CEP55: variants seen among roughly 807,000 people sequenced by gnomAD.
CEP55 encodes centrosomal protein 55.
CEP55 carries 57 observed loss-of-function variants against 63.2 expected under a neutral mutation model. The ratio of observed to expected loss-of-function variants is 0.90; its 90% CI spans 0.73 to 1.13. The LOEUF (loss-of-function observed/expected upper bound fraction) is 1.13. Among genes scored for constraint, CEP55 ranks in the 50% most tolerant of loss-of-function variants. CEP55 has a pLI of 0.00. For missense variants in CEP55, 456 were observed against 518.9 expected, an observed-to-expected ratio of 0.88 and a Z score of 1.18; for synonymous variants, 178 against 191.6, an observed-to-expected ratio of 0.93 and a Z score of 0.59.
In CEP55 at chr10:93,528,012, CAG is replaced by C; in HGVS notation, c.1258_1259del (p.Glu420LysfsTer15). On this transcript the variant is annotated frameshift_variant, in exon 9 of 9. Transcript: ENST00000371485. LOFTEE classifies it high-confidence loss of function. ...LVTFQGETEN[R>X]EKVAASPKSP... is the part of the protein sequence containing the mutation. ...TCACTTTCCAAGGAGAGACTGAAAA[CAG>C]AGAAAAAGTTGCCGCCTCACCAAAA... The C allele has an allele frequency of 1.2e-6, 2 of 1,613,944 alleles. No homozygotes were observed. The highest frequency in any genetic ancestry group is 1.7e-6 in the Non-Finnish European group (2 of 1,180,002).
intron 2 of CEP55, among the ~76,000 whole-genome samples, chr10:93,500,513 C>T (rs1305638375): frequency 6.6e-6 from 1 of 152,116 alleles, no homozygotes; most frequent in African/African-American, 2.4e-5. Context: ...AAAGACATTG[C>T]GATTAATAGT....
rs10693521 is a variant in CEP55 at position 93,520,426 on chromosome 10, C to CA, written c.1191+635dup. On this transcript the variant is annotated intron_variant, in intron 8 of 8. Coordinates refer to ENST00000371485, the MANE Select transcript of CEP55 (RefSeq NM_018131.5). ...TGGGCAGCAGAGCAAGACTCTGTCT[C>CA]AAAAAAAAAAAAAAAAGAAAAAGAA... 768 of 113,514 alleles carry CA rather than the reference C, an allele frequency of 6.8e-3. 25 individuals are homozygous for CA. Among genetic ancestry groups the CA allele is most frequent in the African/African-American group, 0.023 (590 of 26,024 alleles). The allele number at this position is 113,514 out of a possible 1,614,324, so 7.0% of individuals were successfully genotyped here. A position where few individuals can be genotyped will look rare whatever the true frequency, so the allele number is the denominator to read the frequency against.
intron 4 of CEP55, among the ~76,000 whole-genome samples, chr10:93,511,634 G>A (rs184948184): frequency 2.0e-5 from 3 of 150,944 alleles, no homozygotes; most frequent in South Asian, 4.2e-4. Context: ...ATGGAGTTTC[G>A]CTCCGTTGCC....
chr10:93,514,278 A>T (rs1339669463), intron 4 of CEP55, among the ~76,000 whole-genome samples: 2 of 152,234 alleles, frequency 1.3e-5, no homozygotes, highest in Non-Finnish European at 1.5e-5. Flanking sequence ...TTTCAAGTGG[A>T]CATGAATTTT....
At position 93,517,061 on chromosome 10, in the gene CEP55, A is replaced by T. The variant is rs771448083; in HGVS notation, c.806A>T (p.Tyr269Phe). Residue 269 changes from tyrosine to phenylalanine, a missense_variant, in exon 6 of 9, where the codon TAT (tyrosine) becomes TTT (phenylalanine). Physicochemically the swap from Tyr to Phe is conservative, Grantham distance 22 (BLOSUM62 3). Coordinates refer to ENST00000371485, the MANE Select transcript of CEP55 (RefSeq NM_018131.5). ...SFELSEFRRK[Y>F]EETQKEVHNL... Reference sequence around the variant, plus strand: ...GAACTGAGTGAATTTCGAAGAAAATATGAAGAAACCCAAAAAGAAGTTCAC... The same window carrying T: ...GAACTGAGTGAATTTCGAAGAAAATTTGAAGAAACCCAAAAAGAAGTTCAC... 72 of 1,614,014 alleles carry T rather than the reference A, an allele frequency of 4.5e-5. No homozygotes were observed. Among genetic ancestry groups the T allele is most frequent in the Non-Finnish European group, 5.8e-5 (69 of 1,179,994 alleles).
rs771921720 is a variant in CEP55 at position 93,519,707 on chromosome 10, A to G, written c.1091A>G (p.Glu364Gly). ...ATGCAGGCATGTACTTTAGACTTTG[A>G]AAATGAAAAACTCGACCGTCAACAT... ...QQMQACTLDF[E>G]NEKLDRQHVQ... Residue 364 changes from glutamate to glycine, a missense_variant, in exon 8 of 9, where the codon GAA becomes GGA. By Grantham distance (98) the Glu-to-Gly change is moderately conservative. Transcript: ENST00000371485. 2 of 1,614,182 alleles carry G rather than the reference A, an allele frequency of 1.2e-6. No homozygotes were observed. Among genetic ancestry groups the G allele is most frequent in the Non-Finnish European group, 1.7e-6 (2 of 1,180,028 alleles).
intron 8 of CEP55, among the ~76,000 whole-genome samples, chr10:93,526,583 G>T (rs904981153): frequency 2.0e-5 from 3 of 152,072 alleles, no homozygotes; most frequent in African/African-American, 7.2e-5. Flanking sequence ...CCCATTACTG[G>T]GTATATACCC....
intron 8 of CEP55, 150 bp from the exon 9 acceptor site, chr10:93,527,800 A>C (rs2057938935): frequency 3.1e-6 from 2 of 644,616 alleles, no homozygotes; most frequent in South Asian, 4.0e-5. Context: ...AGGATTGCTT[A>C]AGCCTGGGAG....
rs149651796 is a variant in CEP55, at chr10:93,508,071, G to A, written c.528+1015G>A. On this transcript the variant is annotated intron_variant, in intron 4 of 8. Coordinates refer to ENST00000371485, the MANE Select transcript of CEP55 (RefSeq NM_018131.5). ...AAGGTTTGCTTTCGTAGGTTGAAAA[G>A]GAAACGTTCTTTGTACACTCAGTAC... Among the ~76,000 whole-genome samples, 569 of 152,328 alleles carry A rather than the reference G, an allele frequency of 3.7e-3. 4 individuals carry two copies. Among genetic ancestry groups the A allele is most frequent in the African/African-American group, 0.013 (540 of 41,572 alleles).
At chr10:93,517,789 G>A (rs2057819888) in intron 6 of CEP55, among the ~76,000 whole-genome samples, 1 of 152,238 alleles carries the variant, frequency 6.6e-6, no homozygotes, top group Admixed American at 6.5e-5. Context: ...GAATTGAACA[G>A]TACTTTGATG....
chr10:93,525,623 C>T (rs77327974), intron 8 of CEP55, among the ~76,000 whole-genome samples: 94,912 of 150,010 alleles, frequency 0.63, 33,067 homozygotes, highest in Non-Finnish European at 0.77. Flanking sequence ...GAGCCCGCAT[C>T]GCCAAGTCAA....
At chr10:93,510,013 C>G (rs2057728367) in intron 4 of CEP55, among the ~76,000 whole-genome samples, 1 of 152,172 alleles carries the variant, frequency 6.6e-6, no homozygotes, top group African/African-American at 2.4e-5. Flanking sequence ...CCTGTAGAAG[C>G]TTACCCACGT....
At chr10:93,526,267 G>C (rs1461137152) in intron 8 of CEP55, among the ~76,000 whole-genome samples, 2 of 152,092 alleles carry the variant, frequency 1.3e-5, no homozygotes, top group Non-Finnish European at 2.9e-5. Context: ...TCAAAAAGTG[G>C]GTGAAGGATA....
rs1180457890 is a variant in CEP55 at position 93,504,045 on chromosome 10, G to T, written c.459+657G>T. 2.0e-5 allele frequency among the ~76,000 whole-genome samples: 3 copies of T among 151,812 alleles called. No homozygotes were observed. In the East Asian group the frequency reaches 5.8e-4, roughly 29 times the overall value. ...AGTAAAATCAGGATAGGAATAGTGA[G>T]AATTAAATGTAAATATGTATGTAAA... is the stretch of plus-strand genomic sequence containing the variant. On this transcript the variant is annotated intron_variant, in intron 3 of 8. Coordinates refer to ENST00000371485, the MANE Select transcript of CEP55 (RefSeq NM_018131.5).
At chr10:93,517,282 C>T in intron 6 of CEP55, 34 bp downstream of exon 6, 3 of 1,520,588 alleles carry the variant, frequency 2.0e-6, no homozygotes, top group Non-Finnish European at 2.7e-6. Context: ...TCAGAGTGTT[C>T]ACCGAACACT....
chr10:93,522,728 C>G (rs1233072395), intron 8 of CEP55, among the ~76,000 whole-genome samples: 2 of 152,212 alleles, frequency 1.3e-5, no homozygotes, highest in Non-Finnish European at 1.5e-5. Flanking sequence ...ATCAGACTAA[C>G]AGCTGATCTC....
At position 93,510,037 on chromosome 10, in the gene CEP55, G is replaced by A. The variant is rs2057728581; in HGVS notation, c.528+2981G>A. On this transcript the variant is annotated intron_variant, in intron 4 of 8. Coordinates refer to ENST00000371485, the MANE Select transcript of CEP55 (RefSeq NM_018131.5). ...GCTTACCCACGTATTTTCAGAATTA[G>A]TATTTGTTATATTTAAATAAGCCCT... Among the ~76,000 whole-genome samples, 3 of 152,150 alleles carry A rather than the reference G, an allele frequency of 2.0e-5. 1 individual carries two copies. In the South Asian group the frequency reaches 6.2e-4, roughly 32 times the overall value.
intron 4 of CEP55, among the ~76,000 whole-genome samples, chr10:93,509,459 A>G (rs1337059145): frequency 2.0e-5 from 2 of 102,016 alleles, no homozygotes; most frequent in Middle Eastern, 4.8e-3. Flanking sequence ...ACGCTTTGAG[A>G]ACCATTAACA....
Position 93,503,120 on chromosome 10 carries a change from G to A in CEP55, c.191G>A (p.Arg64Gln), listed in dbSNP as rs748357046. The A allele has an allele frequency of 3.7e-6, 6 of 1,610,478 alleles. No homozygotes were observed. Among genetic ancestry groups the A allele is most frequent in the Admixed American group, 1.7e-5 (1 of 59,458 alleles). Reference protein sequence around the residue: ...KERHRLLEKIRVLEAEKEKNA... With the variant: ...KERHRLLEKIQVLEAEKEKNA... ...TTCTTAGTTTATGTCTAGAAAATTCGAGTCCTTGAGGCTGAGAAGGAGAAG... is the reference window on the plus strand; with the variant it reads ...TTCTTAGTTTATGTCTAGAAAATTCAAGTCCTTGAGGCTGAGAAGGAGAAG... Residue 64 changes from arginine to glutamine, a missense_variant, in exon 3 of 9, where the codon CGA becomes CAA. Coordinates refer to ENST00000371485, the MANE Select transcript of CEP55 (RefSeq NM_018131.5).
Sources: gnomAD v4.1 joint callset for allele counts (sites outside exome capture counted in the v4.1 genomes callset) on GRCh38, gnomAD v4.1.1 for gene constraint, MANE v1.5 for transcripts, NCBI Gene and HGNC (gene_info 2026-07-23, HGNC 2026-07-21) for gene names.